Variants in SUB1 observed in about 807,000 individuals in gnomAD.
SUB1 encodes the protein SUB1 regulator of transcription.
SUB1 carries 1 observed loss-of-function variant against 16.9 expected under a neutral mutation model. That is an observed-to-expected ratio of 0.06 (90% CI 0.02 to 0.28). The LOEUF (loss-of-function observed/expected upper bound fraction) is 0.28, where lower values mean the gene tolerates loss of function less well. SUB1 is among the 10% of genes least tolerant of loss of function. SUB1 has a pLI of 1.00. For missense variants in SUB1, 84 were observed against 145.2 expected, an observed-to-expected ratio of 0.58 and a Z score of 2.16; for synonymous variants, 51 against 46.9, an observed-to-expected ratio of 1.09 and a Z score of -0.36.
chr5:32,597,781 C>T (rs1440086964), intron 3 of SUB1: 1 of 152,076 alleles, frequency 6.6e-6, no homozygotes, highest in Non-Finnish European at 1.5e-5. Flanking sequence ...GTAGCCTTAA[C>T]AGTAACATAA....
Position 32,591,658 on chromosome 5 carries a change from C to T in SUB1, c.168C>T (p.Ser56=). Residue 56 remains serine, a synonymous_variant, in exon 3 of 5, where the codon AGC becomes AGT. Coordinates refer to ENST00000265073, the MANE Select transcript of SUB1 (RefSeq NM_006713.4). The part of the protein sequence containing the change: ...SRALSSSKQS[S]SSRDDNMFQI... Reference sequence around the variant, plus strand: ...CCCTGTCATCTTCTAAACAGAGCAGCAGCAGCAGAGATGATAACATGTTTC... The same window carrying T: ...CCCTGTCATCTTCTAAACAGAGCAGTAGCAGCAGAGATGATAACATGTTTC... 6.3e-7 allele frequency: 1 copy of T among 1,594,708 alleles called. No individual in the cohort carries two copies. Among genetic ancestry groups the T allele is most frequent in the Non-Finnish European group, 8.5e-7 (1 of 1,173,260 alleles).
intron 3 of SUB1, chr5:32,595,819 C>CTAA (rs1384428269): frequency 6.6e-6 from 1 of 152,132 alleles, no homozygotes; most frequent in Non-Finnish European, 1.5e-5. Context: ...TATTGTCAGT[C>CTAA]TTTTAAGTTT....
At chr5:32,589,089 T>C (rs993927380) in intron 2 of SUB1, among the ~76,000 whole-genome samples, 3 of 151,982 alleles carry the variant, frequency 2.0e-5, no homozygotes, top group African/African-American at 7.3e-5. Context: ...TTTTGTAAAA[T>C]GTTAATTTTT....
intron 2 of SUB1, among the ~76,000 whole-genome samples, chr5:32,589,853 CT>C (rs72415836): frequency 2.7e-5 from 4 of 149,554 alleles, no homozygotes; most frequent in African/African-American, 7.3e-5. Flanking sequence ...GGCTCCCTAT[CT>C]TTTTTTTTTC....
chr5:32,603,930 T>C lies in SUB1; in HGVS notation c.*2846T>C, dbSNP rs949456292. 1 of 152,040 alleles carries C rather than the reference T, an allele frequency of 6.6e-6. No individual in the cohort carries two copies. The highest frequency in any genetic ancestry group is 1.5e-5 in the Non-Finnish European group (1 of 68,000). 9.4% of individuals were successfully genotyped at this position (152,040 alleles called of 1,614,324 possible). A position where few individuals can be genotyped will look rare whatever the true frequency, so the allele number is the denominator to read the frequency against. On this transcript the variant is annotated 3_prime_UTR_variant, in exon 5 of 5. Transcript: ENST00000265073. Reference sequence around the variant, plus strand: ...TAAAAGTGTTTTTCCAGATAAACTGTAGGGTGAACATTCACATAATCACAA... The same window carrying C: ...TAAAAGTGTTTTTCCAGATAAACTGCAGGGTGAACATTCACATAATCACAA...
intron 4 of SUB1, among the ~76,000 whole-genome samples, chr5:32,600,076 T>C (rs1427829801): frequency 6.6e-6 from 1 of 152,244 alleles, no homozygotes; most frequent in East Asian, 1.9e-4. Flanking sequence ...TTACAACAAC[T>C]CTTTGGCGTA....
chr5:32,598,770 A>G, intron 3 of SUB1, 191 bp from the exon 4 acceptor site: 2 of 405,628 alleles, frequency 4.9e-6, no homozygotes, highest in South Asian at 7.1e-5. Flanking sequence ...TTTTTCCAGT[A>G]TATTTATTGA....
intron 3 of SUB1, chr5:32,597,847 A>G (rs931610246): frequency 3.3e-5 from 5 of 152,210 alleles, no homozygotes; most frequent in African/African-American, 1.2e-4. Context: ...CTTACAATAA[A>G]GTAAGCTAGA....
In SUB1 at chr5:32,599,089, A is replaced by T; in HGVS notation, c.304+20A>T. The T allele has an allele frequency of 6.3e-7, 1 of 1,584,838 alleles. No homozygotes were observed. The highest frequency in any genetic ancestry group is 1.3e-5 in the African/African-American group (1 of 74,252). On this transcript the variant is annotated intron_variant, in intron 4 of 4. Transcript: ENST00000265073. ...GAAAAGGTGAGGTCTAATTACTTGAATTTTATTACAGTGTTAGGACTAAAC... is the reference window on the plus strand; with the variant it reads ...GAAAAGGTGAGGTCTAATTACTTGATTTTTATTACAGTGTTAGGACTAAAC...
chr5:32,598,334 T>A (rs1739029866), intron 3 of SUB1: 1 of 152,274 alleles, frequency 6.6e-6, no homozygotes, highest in Non-Finnish European at 1.5e-5. Context: ...ATTGCAGTAA[T>A]CATGATGAAA....
Position 32,602,374 on chromosome 5 carries a change from C to T in SUB1, c.*1290C>T. On this transcript the variant is annotated 3_prime_UTR_variant, in exon 5 of 5. Transcript: ENST00000265073. ...ATATGATATTTTGAGATTTTTATAA[C>T]AGCAGTGGAACACAATTCTAGGTAG... 1 of 317,080 alleles carries T rather than the reference C, an allele frequency of 3.2e-6. No individual in the cohort carries two copies. The highest frequency in any genetic ancestry group is 6.3e-6 in the Non-Finnish European group (1 of 159,940). The allele number at this position is 317,080 out of a possible 1,614,324, so 19.6% of individuals were successfully genotyped here.
chr5:32,589,030 G>A (rs937851662), intron 2 of SUB1, among the ~76,000 whole-genome samples: 11 of 152,038 alleles, frequency 7.2e-5, no homozygotes, highest in Admixed American at 4.6e-4. Flanking sequence ...AGAATTCTAA[G>A]TAGGCCAAAG....
chr5:32,592,501 A>G (rs1738854030), intron 3 of SUB1, among the ~76,000 whole-genome samples: 1 of 152,202 alleles, frequency 6.6e-6, no homozygotes, highest in Admixed American at 6.5e-5. Flanking sequence ...TTGTACAAGA[A>G]GGATTTGTGA....
intron 2 of SUB1, among the ~76,000 whole-genome samples, chr5:32,591,056 A>G (rs1381648214): frequency 6.6e-6 from 1 of 152,030 alleles, no homozygotes; most frequent in Non-Finnish European, 1.5e-5. Flanking sequence ...GGTGTGAGCT[A>G]CCGCGCCCGG....
At chr5:32,586,049 G>A (rs1738654809) in intron 1 of SUB1, 1 of 152,456 alleles carries the variant, frequency 6.6e-6, no homozygotes, top group African/African-American at 2.4e-5. Context: ...GAGAGCGGAT[G>A]CGGGCGGGAG....
chr5:32,599,753 A>G (rs1739070888), intron 4 of SUB1, among the ~76,000 whole-genome samples: 1 of 147,456 alleles, frequency 6.8e-6, no homozygotes, highest in South Asian at 2.1e-4. Flanking sequence ...ATGCTTTCAT[A>G]TTTTCTTCAA....
chr5:32,588,847 G>C (rs985045976), intron 2 of SUB1, among the ~76,000 whole-genome samples: 2 of 152,108 alleles, frequency 1.3e-5, no homozygotes, highest in Admixed American at 6.5e-5. Context: ...ATAAGAATGT[G>C]AATGGGTATT....
At chr5:32,589,648 A>G (rs1738767017) in intron 2 of SUB1, among the ~76,000 whole-genome samples, 1 of 152,298 alleles carries the variant, frequency 6.6e-6, no homozygotes, top group Non-Finnish European at 1.5e-5. Context: ...TGAGCGTCTC[A>G]CTCTGCGGTC....
At chr5:32,591,396 G>T in intron 2 of SUB1, 167 bp from the exon 3 acceptor site, 1 of 913,150 alleles carries the variant, frequency 1.1e-6, no homozygotes, top group Non-Finnish European at 1.5e-6. Context: ...CAGAAGGATT[G>T]GTTAGATTCA....
Sources: gnomAD v4.1 joint callset for allele counts (sites outside exome capture counted in the v4.1 genomes callset) on GRCh38, gnomAD v4.1.1 for gene constraint, MANE v1.5 for transcripts, NCBI Gene and HGNC (gene_info 2026-07-23, HGNC 2026-07-21) for gene names.